Variants in DNAJC13 observed in about 807,000 individuals in gnomAD.
DNAJC13 encodes the protein DnaJ heat shock protein family (Hsp40) member C13, also known as dnaJ homolog subfamily C member 13.
DNAJC13 carries 75 observed loss-of-function variants against 290.5 expected under a neutral mutation model. That is an observed-to-expected ratio of 0.26 (90% CI 0.21 to 0.31). DNAJC13 has a LOEUF of 0.31. DNAJC13 is among the 10% of genes least tolerant of loss of function. The probability of loss-of-function intolerance (pLI) is 1.00; values close to 1 mark genes in which losing one functional copy is unlikely to be tolerated. For missense variants in DNAJC13, 2,260 were observed against 2,674.5 expected (o/e 0.85, Z 3.42); for synonymous variants, 862 against 892.0 (o/e 0.97, Z 0.60).
chr3:132,445,549 T>C (rs1024173026), intron 2 of DNAJC13, among the ~76,000 whole-genome samples: 12 of 152,214 alleles, frequency 7.9e-5, no homozygotes, highest in African/African-American at 2.6e-4. Context: ...AGGTTTCTTC[T>C]GTCTTGAAAT....
intron 16 of DNAJC13, among the ~76,000 whole-genome samples, chr3:132,463,446 A>G (rs938826188): frequency 6.6e-6 from 1 of 152,162 alleles, no homozygotes; most frequent in African/African-American, 2.4e-5. Context: ...TAGTTTTAAT[A>G]TTAAGTTTAG....
In DNAJC13 at chr3:132,456,862, T is replaced by A. The variant is rs141673745; in HGVS notation, c.1349+30T>A. The A allele has an allele frequency of 6.4e-5, 103 of 1,606,158 alleles. No homozygotes were observed. The East Asian group carries it at 1.5e-3, about 24-fold the overall frequency. ...GTTGTCTTCTGAAACTTAACTTCTC[T>A]TAGAGAATTTGAACTACTCAAAATG... is the stretch of plus-strand genomic sequence containing the variant. On this transcript the variant is annotated intron_variant, in intron 12 of 55. Coordinates refer to ENST00000260818, the MANE Select transcript of DNAJC13 (RefSeq NM_015268.4).
intron 2 of DNAJC13, among the ~76,000 whole-genome samples, chr3:132,437,991 C>G: frequency 6.8e-6 from 1 of 146,908 alleles, no homozygotes; most frequent in Middle Eastern, 3.3e-3. Context: ...GCGGAGACTG[C>G]AGTGAACAGA....
At chr3:132,464,957 C>T (rs1251718317) in intron 17 of DNAJC13, among the ~76,000 whole-genome samples, 1 of 152,104 alleles carries the variant, frequency 6.6e-6, no homozygotes, top group East Asian at 1.9e-4. Flanking sequence ...ATAGAAATAT[C>T]ACTCTATTTG....
At chr3:132,501,491 A>G (rs1451212692) in intron 39 of DNAJC13, among the ~76,000 whole-genome samples, 1 of 151,624 alleles carries the variant, frequency 6.6e-6, no homozygotes, top group Non-Finnish European at 1.5e-5. Context: ...TTCTGTGGCT[A>G]GTGTGACTGA....
chr3:132,537,971 A>T (rs1425157059), intron 55 of DNAJC13, among the ~76,000 whole-genome samples: 1 of 152,242 alleles, frequency 6.6e-6, no homozygotes, highest in Non-Finnish European at 1.5e-5. Flanking sequence ...ATACATTTTG[A>T]AATGATTTCT....
intron 15 of DNAJC13, among the ~76,000 whole-genome samples, chr3:132,461,438 G>C (rs1439083274): frequency 6.6e-6 from 1 of 152,134 alleles, no homozygotes; most frequent in Non-Finnish European, 1.5e-5. Context: ...TTTTAAGAAA[G>C]TTTAAGATTT....
intron 27 of DNAJC13, among the ~76,000 whole-genome samples, chr3:132,482,923 A>G (rs954946681): frequency 2.0e-5 from 3 of 152,106 alleles, no homozygotes; most frequent in African/African-American, 7.2e-5. Context: ...TCTATATGGT[A>G]TGAATAAGTA....
chr3:132,537,974 T>C (rs916149375), intron 55 of DNAJC13, among the ~76,000 whole-genome samples: 7 of 152,242 alleles, frequency 4.6e-5, no homozygotes, highest in African/African-American at 1.7e-4. Flanking sequence ...CATTTTGAAA[T>C]GATTTCTAGT....
intron 36 of DNAJC13, 33 bp downstream of exon 36, chr3:132,496,696 C>T: frequency 6.4e-7 from 1 of 1,573,340 alleles, no homozygotes; most frequent in Non-Finnish European, 8.6e-7. Context: ...TTAATTTATC[C>T]TCCAGCTAAC....
At position 132,456,410 on chromosome 3, in the gene DNAJC13, T is replaced by C. The variant is rs760920713; in HGVS notation, c.1099+9T>C. On this transcript the variant is annotated intron_variant, in intron 10 of 55. Transcript: ENST00000260818. ...CTTAGCTACGCCTCCAAGTAAGTAT[T>C]GATTTAAATGTAATTACATTTCCAC... 1.9e-6 allele frequency: 3 copies of C among 1,610,916 alleles called. No homozygotes were observed. The Admixed American group carries it at 5.1e-5, about 27-fold the overall frequency.
intron 1 of DNAJC13, among the ~76,000 whole-genome samples, chr3:132,421,009 A>G (rs1559861281): frequency 6.6e-6 from 1 of 152,252 alleles, no homozygotes; most frequent in Non-Finnish European, 1.5e-5. Context: ...GTTAAATACT[A>G]TAATAATGAC....
intron 55 of DNAJC13, among the ~76,000 whole-genome samples, chr3:132,536,304 T>C (rs541518431): frequency 6.6e-6 from 1 of 152,172 alleles, no homozygotes; most frequent in South Asian, 2.1e-4. Context: ...GGTGGGAAGA[T>C]CACTTGAGCC....
At chr3:132,509,279 A>G (rs937145707) in intron 43 of DNAJC13, among the ~76,000 whole-genome samples, 7 of 152,242 alleles carry the variant, frequency 4.6e-5, no homozygotes, top group Non-Finnish European at 7.3e-5. Context: ...GAGAAGTTCA[A>G]GATTCCAGTG....
intron 20 of DNAJC13, among the ~76,000 whole-genome samples, chr3:132,470,852 C>T (rs1456438155): frequency 7.4e-6 from 1 of 135,074 alleles, no homozygotes; most frequent in African/African-American, 2.8e-5. Flanking sequence ...CTGATCCCCC[C>T]ACCTCCCTCC....
At chr3:132,480,958 C>A (rs1015897718) in intron 26 of DNAJC13, among the ~76,000 whole-genome samples, 2 of 152,074 alleles carry the variant, frequency 1.3e-5, no homozygotes, top group African/African-American at 4.8e-5. Flanking sequence ...GAATTGTGAC[C>A]GAAAGTGCTA....
chr3:132,457,464 T>C, intron 13 of DNAJC13, 96 bp downstream of exon 13: 1 of 955,000 alleles, frequency 1.0e-6, no homozygotes, highest in South Asian at 1.6e-5. Flanking sequence ...CAATAAGTTC[T>C]TGTTTCTGTT....
intron 20 of DNAJC13, chr3:132,472,721 T>A (rs1487163851): frequency 2.0e-6 from 1 of 510,292 alleles, no homozygotes; most frequent in African/African-American, 2.1e-5. Flanking sequence ...CTATTTCAAT[T>A]TGTACTTGCT....
At chr3:132,522,263 A>T (rs1362178312) in intron 48 of DNAJC13, among the ~76,000 whole-genome samples, 3 of 152,188 alleles carry the variant, frequency 2.0e-5, no homozygotes, top group Non-Finnish European at 2.9e-5. Context: ...CCCATGCCTC[A>T]CATGAATTTT....
Sources: allele counts gnomAD v4.1 joint callset (sites outside exome capture counted in the v4.1 genomes callset), GRCh38; gene constraint gnomAD v4.1.1; transcripts MANE v1.5; gene names NCBI Gene and HGNC (gene_info 2026-07-23, HGNC 2026-07-21).